Variants in HSPH1 observed in about 807,000 individuals in gnomAD.
HSPH1 encodes heat shock protein 105 kDa.
A neutral mutation model predicts 100.0 loss-of-function variants in HSPH1; 40 were observed. The observed-to-expected ratio is 0.40, with a 90% CI of 0.31 to 0.52. The LOEUF is 0.52. HSPH1 is among the 20% of genes least tolerant of loss of function. HSPH1 has a pLI of 0.54. For missense variants in HSPH1, 876 were observed against 1,015.1 expected, an observed-to-expected ratio of 0.86 and a Z score of 1.86; for synonymous variants, 403 against 344.0, an observed-to-expected ratio of 1.17 and a Z score of -1.90.
At chr13:31,151,547 A>C (rs1243422163) in intron 6 of HSPH1, 62 bp downstream of exon 6, 3 of 1,473,112 alleles carry the variant, frequency 2.0e-6, no homozygotes, top group Non-Finnish European at 1.8e-6. Flanking sequence ...AAAGAGGCTC[A>C]GTAGCTTAAA....
chr13:31,145,706 T>G lies in HSPH1; in HGVS notation c.1441A>C (p.Lys481Gln). 1 of 1,613,748 alleles carries G rather than the reference T, an allele frequency of 6.2e-7. No individual in the cohort carries two copies. The highest frequency in any genetic ancestry group is 1.1e-5 in the South Asian group (1 of 91,082). ...ATGCCATGGGTGTTGACTCGCACTT[T>G]GACTTTTACTCTAGATTTTTCTCCA... is the stretch of plus-strand genomic sequence containing the variant. ...KDGEKSRVKV[K>Q]VRVNTHGIFT... Residue 481 changes from lysine (K) to glutamine (Q), a missense_variant, in exon 11 of 18, where the codon AAA becomes CAA. By Grantham distance (53) the Lys-to-Gln change is moderately conservative. Transcript: ENST00000320027.
intron 11 of HSPH1, among the ~76,000 whole-genome samples, chr13:31,144,846 G>A (rs890111559): frequency 2.6e-5 from 4 of 152,002 alleles, no homozygotes; most frequent in African/African-American, 7.2e-5. Flanking sequence ...ATAAAACTAC[G>A]GTTCAGAATG....
Position 31,155,630 on chromosome 13 carries a change from C to T in HSPH1, c.190G>A (p.Val64Met). 6.2e-7 allele frequency: 1 copy of T among 1,608,084 alleles called. No homozygotes were observed. The highest frequency in any genetic ancestry group is 8.5e-7 in the Non-Finnish European group (1 of 1,177,444). Residue 64 changes from valine (V) to methionine (M), a missense_variant, in exon 3 of 18, where the codon GTG (valine) becomes ATG (methionine). Val to Met is a conservative substitution (Grantham distance 21, BLOSUM62 1). Coordinates refer to ENST00000320027, the MANE Select transcript of HSPH1 (RefSeq NM_006644.4). ...CCATGAAATCTTTTGAAGTTAGACA[C>T]CGTATTGTTTGCATGAGTGATTTGC... Reference protein sequence around the residue: ...NQQITHANNTVSNFKRFHGRA... With the variant: ...NQQITHANNTMSNFKRFHGRA...
At chr13:31,152,328 T>C (rs1454701042) in intron 5 of HSPH1, 1 of 152,472 alleles carries the variant, frequency 6.6e-6, no homozygotes, top group Admixed American at 6.5e-5. Context: ...AACTGATTTT[T>C]TGTTCATCTG....
rs1207180507 is a variant in HSPH1 at position 31,152,880 on chromosome 13, A to G, written c.501T>C (p.Cys167=). 3.1e-6 allele frequency: 5 copies of G among 1,612,522 alleles called. No individual in the cohort carries two copies. The Admixed American group carries it at 5.0e-5, about 16-fold the overall frequency. Residue 167 remains cysteine, a synonymous_variant, in exon 5 of 18, where the codon TGT becomes TGC. Coordinates refer to ENST00000320027, the MANE Select transcript of HSPH1 (RefSeq NM_006644.4). The part of the protein sequence containing the change: ...LDAAQIVGLN[C]LRLMNDMTAV... ...CTGTCATGTCATTCATAAGTCTTAA[A>G]CAGTTTAGGCCAACAATCTGTGCAG...
chr13:31,151,919 C>T (rs1235475626), intron 5 of HSPH1, 177 bp from the exon 6 acceptor site: 2 of 572,832 alleles, frequency 3.5e-6, no homozygotes, highest in Non-Finnish European at 6.1e-6. Flanking sequence ...AATTATTACT[C>T]TCTTTCTGAT....
At position 31,137,446 on chromosome 13, in the gene HSPH1, T is replaced by C; in HGVS notation, c.2449A>G (p.Asn817Asp). ...TCCTTTTTATCAATATTTGGGCCAT[T>C]TGGAGTTCTTTCCAGTTTGGGTGAT... ...IESPKLERTP[N>D]GPNIDKKEED... Residue 817 changes from asparagine to aspartate, a missense_variant, in exon 18 of 18, where the codon AAT becomes GAT. Physicochemically the swap from Asn to Asp is conservative, Grantham distance 23. Transcript: ENST00000320027. 1 of 1,613,756 alleles carries C rather than the reference T, an allele frequency of 6.2e-7. No homozygotes were observed.
In HSPH1 at chr13:31,140,175, A is replaced by G. The variant is rs754136189; in HGVS notation, c.1980+9T>C. ...ACTATCTGAACAAAAACAGAGCTCT[A>G]AGACATACCTGCTCACATATAAATT... On this transcript the variant is annotated intron_variant, in intron 14 of 17. Coordinates refer to ENST00000320027, the MANE Select transcript of HSPH1 (RefSeq NM_006644.4). 4.4e-6 allele frequency: 7 copies of G among 1,608,834 alleles called. No individual in the cohort carries two copies. In the South Asian group the frequency reaches 7.7e-5, roughly 18 times the overall value.
chr13:31,155,550 A>G lies in HSPH1; in HGVS notation c.270T>C (p.Asp90=), dbSNP rs1956653812. 2 of 1,612,062 alleles carry G rather than the reference A, an allele frequency of 1.2e-6. No homozygotes were observed. Among genetic ancestry groups the G allele is most frequent in the Non-Finnish European group, 1.7e-6 (2 of 1,178,834 alleles). ...IQKEKENLSY[D]LVPLKNGGVG... ...CTCCACCATTTTTCAATGGAACCAA[A>G]TCGTAACTCAAGTTTTCCTTCTCCT... Residue 90 remains aspartate (D), a synonymous_variant, in exon 3 of 18, where the codon GAT becomes GAC. Transcript: ENST00000320027.
At chr13:31,151,377 G>A in intron 6 of HSPH1, 186 bp from the exon 7 acceptor site, 1 of 684,322 alleles carries the variant, frequency 1.5e-6, no homozygotes, top group Non-Finnish European at 2.3e-6. Flanking sequence ...TGACTACATA[G>A]AAAATAACTG....
chr13:31,149,920 T>C (rs1181720523), intron 8 of HSPH1, 34 bp downstream of exon 8: 3 of 1,539,858 alleles, frequency 1.9e-6, no homozygotes, highest in Non-Finnish European at 2.7e-6. Flanking sequence ...GTTTAAAGAC[T>C]GTACACCAAG....
In HSPH1 at chr13:31,140,188, T is replaced by A. The variant is rs562191685; in HGVS notation, c.1976A>T (p.Glu659Val). Residue 659 changes from glutamate (E) to valine (V), a missense_variant, in exon 14 of 18, where the codon GAG becomes GTG. By Grantham distance (121) the Glu-to-Val change is moderately radical. Coordinates refer to ENST00000320027, the MANE Select transcript of HSPH1 (RefSeq NM_006644.4). ...LCGPYEKFIC[E>V]QDHQNFLRLL... Reference sequence around the variant, plus strand: ...AAACAGAGCTCTAAGACATACCTGCTCACATATAAATTTTTCATATGGTCC... The same window carrying A: ...AAACAGAGCTCTAAGACATACCTGCACACATATAAATTTTTCATATGGTCC... 16 of 1,610,708 alleles carry A rather than the reference T, an allele frequency of 9.9e-6. No individual in the cohort carries two copies. Among genetic ancestry groups the A allele is most frequent in the South Asian group, 3.3e-5 (3 of 90,794 alleles).
rs1344601250 is a variant in HSPH1, at chr13:31,151,350, T to C, written c.664-159A>G. On this transcript the variant is annotated intron_variant, in intron 6 of 17. Coordinates refer to ENST00000320027, the MANE Select transcript of HSPH1 (RefSeq NM_006644.4). ...ATCAGTCAGGAATAAATCTCTAAGA[T>C]ATTTTTGACTTTTAAATGACTACAT... 6.7e-6 allele frequency: 5 copies of C among 749,434 alleles called. No individual in the cohort carries two copies. In the Admixed American group the frequency reaches 1.7e-4, roughly 25 times the overall value. 46.4% of individuals were successfully genotyped at this position (749,434 alleles called of 1,614,324 possible).
At chr13:31,156,655 G>A (rs1053801426) in intron 2 of HSPH1, among the ~76,000 whole-genome samples, 4 of 152,284 alleles carry the variant, frequency 2.6e-5, no homozygotes, top group African/African-American at 4.8e-5. Flanking sequence ...TGCATGGATC[G>A]CTACCTTTCC....
At position 31,138,442 on chromosome 13, in the gene HSPH1, C is replaced by T; in HGVS notation, c.2335G>A (p.Val779Ile). The T allele has an allele frequency of 6.2e-7, 1 of 1,613,352 alleles. No homozygotes were observed. The highest frequency in any genetic ancestry group is 1.7e-4 in the Middle Eastern group (1 of 6,058). The change falls in exon 17 of 18, where the codon GTT becomes ATT. Residue 779 changes from valine (V) to isoleucine (I), a missense_variant. By Grantham distance (29) the Val-to-Ile change is conservative. Coordinates refer to ENST00000320027, the MANE Select transcript of HSPH1 (RefSeq NM_006644.4). ...GTTTTAATTTCCTGAGCACGTACAA[C>T]TGGATCCTGATCAAGACTCTTTTTA... Reference protein sequence around the residue: ...QAKKSLDQDPVVRAQEIKTKI... With the variant: ...QAKKSLDQDPIVRAQEIKTKI...
chr13:31,143,017 C>A (rs1956151054), intron 12 of HSPH1, among the ~76,000 whole-genome samples: 1 of 151,960 alleles, frequency 6.6e-6, no homozygotes, highest in South Asian at 2.1e-4. Context: ...AGTATAGAAA[C>A]CTATCCTGAC....
rs758200282 is a variant in HSPH1 at position 31,150,198 on chromosome 13, CTTG to C, written c.909-19_909-17del. ...AAATTGTGACCTTAGCAAATAAAAA[CTTG>C]TTTTTAGAAAAGTTAAGACCAATAT... On this transcript the variant is annotated splice_polypyrimidine_tract_variant and intron_variant, in intron 7 of 17. Coordinates refer to ENST00000320027, the MANE Select transcript of HSPH1 (RefSeq NM_006644.4). 3 of 1,537,736 alleles carry C rather than the reference CTTG, an allele frequency of 2.0e-6. No homozygotes were observed. Among genetic ancestry groups the C allele is most frequent in the Admixed American group, 2.0e-5 (1 of 49,892 alleles).
At chr13:31,154,534 T>C (rs1956608986) in intron 4 of HSPH1, 99 bp downstream of exon 4, 2 of 1,334,454 alleles carry the variant, frequency 1.5e-6, no homozygotes, top group Non-Finnish European at 2.2e-6. Context: ...ACACGGTCTC[T>C]AGTAACTAAA....
rs1376813498 is a variant in HSPH1 at position 31,137,082 on chromosome 13, A to G, written c.*236T>C. The G allele has an allele frequency of 1.5e-6, 1 of 677,394 alleles. No homozygotes were observed. The highest frequency in any genetic ancestry group is 1.9e-5 in the Admixed American group (1 of 52,130). 42.0% of individuals were successfully genotyped at this position (677,394 alleles called of 1,614,324 possible). A position where few individuals can be genotyped will look rare whatever the true frequency, so the allele number is the denominator to read the frequency against. ...AGTGATGCAAATGGTGAGACTGCAC[A>G]GAAAGCTTAGTATGAATTCACAATT... On this transcript the variant is annotated 3_prime_UTR_variant, in exon 18 of 18. Transcript: ENST00000320027.
Sources: allele counts gnomAD v4.1 joint callset (sites outside exome capture counted in the v4.1 genomes callset), GRCh38; gene constraint gnomAD v4.1.1; transcripts MANE v1.5; gene names NCBI Gene and HGNC (gene_info 2026-07-23, HGNC 2026-07-21).